CDH10: variants seen among roughly 807,000 people sequenced by gnomAD.
CDH10 encodes cadherin 10.
A neutral mutation model predicts 73.1 loss-of-function variants in CDH10; 30 were observed. That is an observed-to-expected ratio of 0.41 (90% confidence interval 0.31 to 0.56). The LOEUF (loss-of-function observed/expected upper bound fraction) is 0.56. Among genes scored for constraint, CDH10 ranks in the 20% least tolerant of loss-of-function variants. CDH10 has a pLI of 0.27. For synonymous variants in CDH10, 345 were observed against 348.2 expected (o/e 0.99, Z 0.10); for missense variants, 815 against 973.7 (o/e 0.84, Z 2.17).
Position 24,568,078 on chromosome 5 carries a change from C to T in CDH10, c.231+25182G>A, listed in dbSNP as rs1039947352. Among the ~76,000 whole-genome samples, 8 of 152,066 alleles carry T rather than the reference C, an allele frequency of 5.3e-5. No homozygotes were observed. In the East Asian group the frequency reaches 1.6e-3, roughly 29 times the overall value. On this transcript the variant is annotated intron_variant, in intron 2 of 11. Transcript: ENST00000264463. ...TGAAACTGAGGGTTCATGATCTATT[C>T]TCCAGAAAAATATCCACAAGACTGT...
At chr5:24,513,234 G>T (rs1225865934) in intron 5 of CDH10, among the ~76,000 whole-genome samples, 3 of 151,908 alleles carry the variant, frequency 2.0e-5, no homozygotes, top group Non-Finnish European at 2.9e-5. Context: ...GGTCAGGCTG[G>T]TCTCGAACTC....
chr5:24,580,589 A>G (rs532193920), intron 2 of CDH10, among the ~76,000 whole-genome samples: 25 of 152,300 alleles, frequency 1.6e-4, no homozygotes, highest in Admixed American at 2.6e-4. Flanking sequence ...TATAATATCA[A>G]CCTTCTGCTA....
chr5:24,553,067 T>C (rs541267133), intron 2 of CDH10, among the ~76,000 whole-genome samples: 1 of 152,302 alleles, frequency 6.6e-6, no homozygotes, highest in South Asian at 2.1e-4. Context: ...ATGGACTCTC[T>C]TGTTGGGCAA....
chr5:24,515,782 TC>T (rs1464084831), intron 5 of CDH10, among the ~76,000 whole-genome samples: 5 of 152,148 alleles, frequency 3.3e-5, no homozygotes, highest in African/African-American at 4.8e-5. Context: ...CTCCCGCAAT[TC>T]CCACGTGTCA....
At chr5:24,549,244 A>G (rs1306111247) in intron 2 of CDH10, among the ~76,000 whole-genome samples, 1 of 152,186 alleles carries the variant, frequency 6.6e-6, no homozygotes, top group Admixed American at 6.5e-5. Flanking sequence ...ACATGAAATC[A>G]GATTTCTAGA....
At chr5:24,499,453 A>C (rs1171383528) in intron 8 of CDH10, 72 of 152,662 alleles carry the variant, frequency 4.7e-4, no homozygotes, top group Non-Finnish European at 5.9e-5. Flanking sequence ...TGGGAGACTA[A>C]GGCAGGTGCA....
chr5:24,552,497 A>AT (rs2111956608), intron 2 of CDH10, among the ~76,000 whole-genome samples: 1 of 151,914 alleles, frequency 6.6e-6, no homozygotes, highest in South Asian at 2.1e-4. Flanking sequence ...GTTGTTAGTA[A>AT]TTTTTTGTCT....
intron 2 of CDH10, among the ~76,000 whole-genome samples, chr5:24,549,550 A>ACTT (rs1398773811): frequency 1.1e-5 from 1 of 88,406 alleles, no homozygotes; most frequent in Non-Finnish European, 2.6e-5. Context: ...CAATGGAATG[A>ACTT]CTTTTTTTTT....
intron 5 of CDH10, among the ~76,000 whole-genome samples, chr5:24,533,765 T>C (rs1743834847): frequency 6.6e-6 from 1 of 152,070 alleles, no homozygotes; most frequent in East Asian, 1.9e-4. Context: ...AGGATTATTA[T>C]TGGTTTTATT....
chr5:24,620,545 C>G (rs1428696358), intron 1 of CDH10, among the ~76,000 whole-genome samples: 1 of 152,042 alleles, frequency 6.6e-6, no homozygotes, highest in African/African-American at 2.4e-5. Context: ...GAAAACAGAC[C>G]TAAGCTCTGT....
intron 2 of CDH10, among the ~76,000 whole-genome samples, chr5:24,548,164 G>T (rs1053732439): frequency 1.3e-5 from 2 of 151,092 alleles, no homozygotes; most frequent in Non-Finnish European, 1.5e-5. Context: ...AGCTTGCCCT[G>T]TCACCTAGGC....
intron 1 of CDH10, among the ~76,000 whole-genome samples, chr5:24,595,989 G>T (rs981344458): frequency 1.3e-5 from 2 of 151,744 alleles, no homozygotes; most frequent in African/African-American, 4.8e-5. Context: ...AGAATCCCCA[G>T]TAAAATGCAT....
intron 2 of CDH10, among the ~76,000 whole-genome samples, chr5:24,551,793 T>C (rs1744556113): frequency 6.6e-6 from 1 of 152,162 alleles, no homozygotes; most frequent in Non-Finnish European, 1.5e-5. Context: ...ATCTGTTCCA[T>C]TTATCTATTG....
intron 2 of CDH10, among the ~76,000 whole-genome samples, chr5:24,560,434 A>G (rs1298024131): frequency 6.6e-6 from 1 of 152,066 alleles, no homozygotes; most frequent in Non-Finnish European, 1.5e-5. Flanking sequence ...TTTCATTTAT[A>G]TAATTAAAAC....
intron 5 of CDH10, among the ~76,000 whole-genome samples, chr5:24,527,896 G>T (rs1214023324): frequency 6.6e-6 from 1 of 151,780 alleles, no homozygotes; most frequent in African/African-American, 2.4e-5. Flanking sequence ...GACAGAGAGA[G>T]AGATTGTGTC....
At chr5:24,582,132 T>C (rs1191198613) in intron 2 of CDH10, among the ~76,000 whole-genome samples, 3 of 152,136 alleles carry the variant, frequency 2.0e-5, no homozygotes, top group Admixed American at 6.5e-5. Flanking sequence ...AGTATCAGGA[T>C]ACATGCACAG....
chr5:24,640,063 T>C (rs1747994489), intron 1 of CDH10, among the ~76,000 whole-genome samples: 3 of 151,840 alleles, frequency 2.0e-5, no homozygotes, highest in African/African-American at 4.8e-5. Context: ...AACTGTCATA[T>C]ACTTTGTGCT....
At chr5:24,589,861 GA>G (rs1746141398) in intron 2 of CDH10, among the ~76,000 whole-genome samples, 2 of 152,090 alleles carry the variant, frequency 1.3e-5, no homozygotes, top group East Asian at 3.9e-4. Context: ...TTTAAATTTG[GA>G]AATTTTAAAA....
chr5:24,561,245 T>TAA (rs1383659943), intron 2 of CDH10, among the ~76,000 whole-genome samples: 2 of 152,176 alleles, frequency 1.3e-5, no homozygotes, highest in African/African-American at 4.8e-5. Context: ...TGTTTGGGGT[T>TAA]AAAAAGCGTA....
Sources: allele counts gnomAD v4.1 joint callset (sites outside exome capture counted in the v4.1 genomes callset), GRCh38; gene constraint gnomAD v4.1.1; transcripts MANE v1.5; gene names NCBI Gene and HGNC (gene_info 2026-07-23, HGNC 2026-07-21).